The following UBE2E1 variants were observed in gnomAD, a reference collection of about 807,000 sequenced individuals.
UBE2E1 encodes ubiquitin-conjugating enzyme E2 E1.
UBE2E1 carries 6 observed loss-of-function variants against 21.4 expected under a neutral mutation model. That is an observed-to-expected ratio of 0.28 (90% CI 0.15 to 0.55). The LOEUF is 0.55. Ranked by LOEUF, UBE2E1 falls within the 20% of genes least tolerant of loss-of-function variation. The pLI is 0.93. For missense variants in UBE2E1, 142 were observed against 236.5 expected, an observed-to-expected ratio of 0.60 and a Z score of 2.62; for synonymous variants, 87 against 82.7, an observed-to-expected ratio of 1.05 and a Z score of -0.28.
In UBE2E1 at chr3:23,807,302, C is replaced by A; in HGVS notation, c.33C>A (p.Ser11Arg). The A allele has an allele frequency of 6.2e-7, 1 of 1,613,964 alleles. No individual in the cohort carries two copies. Among genetic ancestry groups the A allele is most frequent in the Non-Finnish European group, 8.5e-7 (1 of 1,179,950 alleles). ...ATGACGATTCGAGGGCCAGCACCAG[C>A]TCCTCCTCATCTTCGTCTTCCAACC... MSDDDSRAST[S>R]SSSSSSSNQQ... The change falls in exon 2 of 6, where the codon AGC (serine) becomes AGA (arginine). Residue 11 changes from serine (S) to arginine (R), a missense_variant. Ser to Arg is a moderately radical substitution (Grantham distance 110). Transcript: ENST00000306627.
intron 3 of UBE2E1, among the ~76,000 whole-genome samples, chr3:23,828,724 C>G (rs897344752): frequency 6.6e-6 from 1 of 152,192 alleles, no homozygotes; most frequent in Non-Finnish European, 1.5e-5. Flanking sequence ...CGTTACATAG[C>G]TACTGAACAA....
intron 3 of UBE2E1, among the ~76,000 whole-genome samples, chr3:23,869,521 G>A (rs995921916): frequency 6.6e-6 from 1 of 151,284 alleles, no homozygotes; most frequent in African/African-American, 2.4e-5. Flanking sequence ...CTTGTGAGAT[G>A]AGAGTTCAAA....
At chr3:23,871,578 G>T (rs1258452360) in intron 3 of UBE2E1, among the ~76,000 whole-genome samples, 2 of 151,858 alleles carry the variant, frequency 1.3e-5, no homozygotes, top group Non-Finnish European at 2.9e-5. Context: ...TTCCCAGACG[G>T]GGTGGCTGCC....
chr3:23,890,721 A>G lies in UBE2E1; in HGVS notation c.*115A>G, dbSNP rs896345111. On this transcript the variant is annotated 3_prime_UTR_variant, in exon 6 of 6. Transcript: ENST00000306627. ...AAAGAGTAGGGTATTTCTATAACAG[A>G]TATTATTCAGTCTTATTTCCTAAGA... is the stretch of plus-strand genomic sequence containing the variant. 3 of 875,024 alleles carry G rather than the reference A, an allele frequency of 3.4e-6. No homozygotes were observed. Among genetic ancestry groups the G allele is most frequent in the Admixed American group, 7.0e-5 (2 of 28,426 alleles). The allele number at this position is 875,024 out of a possible 1,614,324, so 54.2% of individuals were successfully genotyped here. A position where few individuals can be genotyped will look rare whatever the true frequency, so the allele number is the denominator to read the frequency against.
intron 3 of UBE2E1, among the ~76,000 whole-genome samples, chr3:23,831,026 C>T (rs528471357): frequency 6.6e-6 from 1 of 152,178 alleles, no homozygotes; most frequent in Non-Finnish European, 1.5e-5. Context: ...CGTGATCTGG[C>T]TTCAGGGCCG....
intron 3 of UBE2E1, among the ~76,000 whole-genome samples, chr3:23,813,878 C>T (rs1187647791): frequency 6.6e-6 from 1 of 152,154 alleles, no homozygotes; most frequent in African/African-American, 2.4e-5. Context: ...CAATGAAAAT[C>T]TATGAATTAA....
chr3:23,848,088 A>G (rs928171815), intron 3 of UBE2E1, among the ~76,000 whole-genome samples: 2 of 152,214 alleles, frequency 1.3e-5, no homozygotes, highest in Non-Finnish European at 2.9e-5. Context: ...GTGTTTTCAC[A>G]ATAAACCTGT....
Position 23,887,940 on chromosome 3 carries a change from T to C in UBE2E1, c.336+241T>C, listed in dbSNP as rs1291949547. On this transcript the variant is annotated intron_variant, in intron 4 of 5. Transcript: ENST00000306627. This position sits in a 1 kb window ranked among gnomAD's most constrained non-coding sequence, Gnocchi z 4.4. Reference sequence around the variant, plus strand: ...TAAAATTGTGCTATTTATAGTAATATTGTCAGCAACCTAGAATTAATCCCC... The same window carrying C: ...TAAAATTGTGCTATTTATAGTAATACTGTCAGCAACCTAGAATTAATCCCC... Among the ~76,000 whole-genome samples, 3 of 152,206 alleles carry C rather than the reference T, an allele frequency of 2.0e-5. No individual in the cohort carries two copies. The highest frequency in any genetic ancestry group is 4.4e-5 in the Non-Finnish European group (3 of 68,026).
chr3:23,860,070 A>T (rs574344968), intron 3 of UBE2E1, among the ~76,000 whole-genome samples: 1 of 152,234 alleles, frequency 6.6e-6, no homozygotes, highest in South Asian at 2.1e-4. Flanking sequence ...GAAATAAGGG[A>T]TGGTTCTTCT....
Position 23,807,300 on chromosome 3 carries a change from A to T in UBE2E1, c.31A>T (p.Ser11Cys). 6.2e-7 allele frequency: 1 copy of T among 1,613,852 alleles called. No homozygotes were observed. The highest frequency in any genetic ancestry group is 1.1e-5 in the South Asian group (1 of 91,054). ...GGATGACGATTCGAGGGCCAGCACCAGCTCCTCCTCATCTTCGTCTTCCAA... is the reference window on the plus strand; with the variant it reads ...GGATGACGATTCGAGGGCCAGCACCTGCTCCTCCTCATCTTCGTCTTCCAA... Reference protein sequence around the residue: MSDDDSRASTSSSSSSSSNQQ... With the variant: MSDDDSRASTCSSSSSSSNQQ... The change falls in exon 2 of 6, where the codon AGC becomes TGC. Residue 11 changes from serine (S) to cysteine (C), a missense_variant. Coordinates refer to ENST00000306627, the MANE Select transcript of UBE2E1 (RefSeq NM_003341.5).
chr3:23,834,874 A>G lies in UBE2E1; in HGVS notation c.203+23364A>G, dbSNP rs114545141. ...AAATATTAATGTAATGAAAGAAATC[A>G]CTTTGGAGGAAATTTAAAACTAAAA... On this transcript the variant is annotated intron_variant, in intron 3 of 5. Transcript: ENST00000306627. 3.7e-3 allele frequency among the ~76,000 whole-genome samples: 571 copies of G among 152,366 alleles called. 5 individuals carry two copies. Among genetic ancestry groups the G allele is most frequent in the African/African-American group, 0.013 (532 of 41,586 alleles).
chr3:23,886,312 C>T lies in UBE2E1; in HGVS notation c.204-1255C>T, dbSNP rs78765364. Among the ~76,000 whole-genome samples the T allele has an allele frequency of 5.9e-3, 901 of 152,082 alleles. 9 individuals carry two copies. Among genetic ancestry groups the T allele is most frequent in the African/African-American group, 0.02 (845 of 41,484 alleles). ...ATCACTGCCGTTTAATGAGAGATAC[C>T]CATGGGTGTGTTGCTCTACAGTTTC... is the stretch of plus-strand genomic sequence containing the variant. On this transcript the variant is annotated intron_variant, in intron 3 of 5. Coordinates refer to ENST00000306627, the MANE Select transcript of UBE2E1 (RefSeq NM_003341.5).
Position 23,886,914 on chromosome 3 carries a change from T to C in UBE2E1, c.204-653T>C, listed in dbSNP as rs150651584. On this transcript the variant is annotated intron_variant, in intron 3 of 5. Transcript: ENST00000306627. The stretch of plus-strand genomic sequence containing the variant: ...GGCCAAATTATGGTGTACCCAAGTG[T>C]ATGTAACAGTGATTTATGATAACAG... Among the ~76,000 whole-genome samples the C allele has an allele frequency of 5.3e-5, 8 of 152,316 alleles. No individual in the cohort carries two copies. In the East Asian group the frequency reaches 1.3e-3, roughly 26 times the overall value.
intron 3 of UBE2E1, among the ~76,000 whole-genome samples, chr3:23,848,039 C>T (rs1700243624): frequency 6.6e-6 from 1 of 152,054 alleles, no homozygotes; most frequent in African/African-American, 2.4e-5. Flanking sequence ...CTGTTCTGTA[C>T]CTTGGTTTTT....
At chr3:23,862,442 T>C (rs1015691993) in intron 3 of UBE2E1, among the ~76,000 whole-genome samples, 4 of 152,252 alleles carry the variant, frequency 2.6e-5, no homozygotes, top group African/African-American at 9.6e-5. Flanking sequence ...TACATTTCTG[T>C]GTTCTGTCTG....
At chr3:23,872,631 TAAAAC>T (rs957562207) in intron 3 of UBE2E1, among the ~76,000 whole-genome samples, 2 of 152,226 alleles carry the variant, frequency 1.3e-5, no homozygotes, top group African/African-American at 4.8e-5. Context: ...TATTCACAAT[TAAAAC>T]AATTATTTAA....
intron 3 of UBE2E1, among the ~76,000 whole-genome samples, chr3:23,847,136 G>A (rs1205323980): frequency 1.3e-5 from 2 of 152,106 alleles, no homozygotes; most frequent in Non-Finnish European, 2.9e-5. Context: ...TTCATCAGTA[G>A]GGCGATCATA....
intron 5 of UBE2E1, 137 bp downstream of exon 5, chr3:23,889,396 A>G: frequency 6.6e-7 from 1 of 1,505,946 alleles, no homozygotes; most frequent in East Asian, 2.4e-5. Flanking sequence ...TTCAAAAGAA[A>G]GTTTTAATCA....
intron 3 of UBE2E1, among the ~76,000 whole-genome samples, chr3:23,820,825 G>A (rs117496760): frequency 6.6e-6 from 1 of 152,142 alleles, no homozygotes; most frequent in East Asian, 1.9e-4. Context: ...CAGTACATTG[G>A]CCATTTGTAT....
Sources: gnomAD v4.1 joint callset for allele counts (sites outside exome capture counted in the v4.1 genomes callset) on GRCh38, gnomAD v4.1.1 for gene constraint, Gnocchi (gnomAD v3.1) non-coding constraint, MANE v1.5 for transcripts, NCBI Gene and HGNC (gene_info 2026-07-23, HGNC 2026-07-21) for gene names.